The following TAOK1 variants were observed in gnomAD, a reference collection of about 807,000 sequenced individuals.
TAOK1 encodes the protein TAO kinase 1.
Under a neutral mutation model 138.3 loss-of-function variants are expected in TAOK1, and 21 were observed. That is an observed-to-expected ratio of 0.15 (90% CI 0.11 to 0.22). The LOEUF (loss-of-function observed/expected upper bound fraction) is 0.22. Ranked by LOEUF, TAOK1 falls within the 10% of genes least tolerant of loss-of-function variation. The pLI is 1.00. For missense variants in TAOK1, 651 were observed against 1,227.7 expected, an observed-to-expected ratio of 0.53 and a Z score of 7.02; for synonymous variants, 361 against 398.4, an observed-to-expected ratio of 0.91 and a Z score of 1.12.
At chr17:29,476,478 A>G (rs1335411341) in intron 4 of TAOK1, among the ~76,000 whole-genome samples, 1 of 152,216 alleles carries the variant, frequency 6.6e-6, no homozygotes, top group Non-Finnish European at 1.5e-5. Context: ...CAACCATAAA[A>G]CAAGGATACT....
rs1055843920 is a variant in TAOK1, at chr17:29,519,488, C to G, written c.1908+1832C>G. ...GAGCTGAGATCGCGCTGCTGCACTC[C>G]GGTCTGGGCGACAGAGCAAGTCTGC... On this transcript the variant is annotated intron_variant, in intron 16 of 19. Transcript: ENST00000261716. 2.7e-5 allele frequency among the ~76,000 whole-genome samples: 4 copies of G among 150,334 alleles called. No homozygotes were observed. In the South Asian group the frequency reaches 8.4e-4, roughly 32 times the overall value.
At chr17:29,397,973 A>G (rs1032665616) in intron 1 of TAOK1, among the ~76,000 whole-genome samples, 1 of 151,656 alleles carries the variant, frequency 6.6e-6, no homozygotes, top group African/African-American at 2.4e-5. Flanking sequence ...AGCAGCCTCT[A>G]CCTTCAGGGC....
chr17:29,459,798 A>G (rs1461414286), intron 2 of TAOK1, among the ~76,000 whole-genome samples: 1 of 152,136 alleles, frequency 6.6e-6, no homozygotes, highest in African/African-American at 2.4e-5. Context: ...TGGTAGCTCT[A>G]TTTCTAGTGT....
intron 2 of TAOK1, among the ~76,000 whole-genome samples, chr17:29,454,461 G>A (rs553584712): frequency 3.3e-5 from 5 of 151,570 alleles, no homozygotes; most frequent in South Asian, 2.1e-4. Flanking sequence ...TCCAGTTGAC[G>A]TGGCTTTTTT....
At chr17:29,441,843 TGCCAAGGTCGCC>T in intron 1 of TAOK1, among the ~76,000 whole-genome samples, 1 of 151,624 alleles carries the variant, frequency 6.6e-6, no homozygotes, top group African/African-American at 2.4e-5. Flanking sequence ...GGTTGCAGTG[TGCCAAGGTCGCC>T]GCCTCTGCAC....
chr17:29,462,437 A>G (rs1461497461), intron 2 of TAOK1, among the ~76,000 whole-genome samples: 3 of 152,212 alleles, frequency 2.0e-5, no homozygotes, highest in South Asian at 2.1e-4. Flanking sequence ...CAAAGAGAAC[A>G]CTGGCTTGGG....
rs2032409578 is a variant in TAOK1, at chr17:29,546,774, A to G, written c.*3752A>G. 6.6e-6 allele frequency: 1 copy of G among 152,256 alleles called. No individual in the cohort carries two copies. The highest frequency in any genetic ancestry group is 1.9e-4 in the East Asian group (1 of 5,190). The allele number at this position is 152,256 out of a possible 1,614,324, so 9.4% of individuals were successfully genotyped here. ...GATGTAACTCATACTGTACATTTCC[A>G]TCAGGGCACTTAAAAGTTCTGTTAT... On this transcript the variant is annotated 3_prime_UTR_variant, in exon 20 of 20. Coordinates refer to ENST00000261716, the MANE Select transcript of TAOK1 (RefSeq NM_020791.4).
intron 19 of TAOK1, among the ~76,000 whole-genome samples, chr17:29,534,931 GT>G (rs1475398528): frequency 1.0e-4 from 7 of 68,334 alleles, no homozygotes; most frequent in South Asian, 4.6e-4. Flanking sequence ...ATACTAAGGT[GT>G]GTGTGTGTGT....
At chr17:29,477,848 T>C in intron 5 of TAOK1, 142 bp downstream of exon 5, 1 of 392,368 alleles carries the variant, frequency 2.5e-6, no homozygotes, top group Non-Finnish European at 4.4e-6. Context: ...ATTCTCAGCA[T>C]GGTATATGCT....
chr17:29,450,457 C>T (rs906271894), intron 1 of TAOK1, among the ~76,000 whole-genome samples: 1 of 152,046 alleles, frequency 6.6e-6, no homozygotes, highest in African/African-American at 2.4e-5. Context: ...GATTCCTATC[C>T]AGCAGTGTCA....
intron 19 of TAOK1, among the ~76,000 whole-genome samples, chr17:29,538,807 C>T (rs1457185471): frequency 6.6e-6 from 1 of 152,094 alleles, no homozygotes; most frequent in Non-Finnish European, 1.5e-5. Context: ...TAGATAACAA[C>T]ACAACTATAA....
At chr17:29,471,248 C>A (rs956011281) in intron 3 of TAOK1, among the ~76,000 whole-genome samples, 1 of 148,440 alleles carries the variant, frequency 6.7e-6, no homozygotes, top group Non-Finnish European at 1.5e-5. Flanking sequence ...AGACAGTGTA[C>A]GTACCTTAAT....
Position 29,495,619 on chromosome 17 carries a change from A to C in TAOK1, c.891A>C (p.Thr297=). The C allele has an allele frequency of 2.5e-6, 4 of 1,612,204 alleles. No individual in the cohort carries two copies. The highest frequency in any genetic ancestry group is 3.4e-6 in the Non-Finnish European group (4 of 1,178,724). ...TGTTAATAGATCTCATTCAGAGGAC[A>C]AAGGATGCAGTAAGAGAGCTGGACA... ...ETVLIDLIQR[T]KDAVRELDNL... is the part of the protein sequence containing the mutation. The change falls in exon 11 of 20, where the codon ACA becomes ACC. Residue 297 remains threonine, a synonymous_variant. Transcript: ENST00000261716.
chr17:29,465,128 A>ATTTTT lies in TAOK1; in HGVS notation c.133-1992_133-1988dup, dbSNP rs57794003. Among the ~76,000 whole-genome samples, 78 of 63,162 alleles carry ATTTTT rather than the reference A, an allele frequency of 1.2e-3. 3 individuals are homozygous for ATTTTT. The highest frequency in any genetic ancestry group is 2.3e-3 in the African/African-American group (34 of 14,724). 41.4% of individuals were successfully genotyped at this position (63,162 alleles called of 152,430 possible). On this transcript the variant is annotated intron_variant, in intron 2 of 19. Transcript: ENST00000261716. ...AAGCCACCATGCCTGGTCTTATTTAATTTTTTTTTTTTTTTTTTTTTTTTT... is the reference window on the plus strand; with the variant it reads ...AAGCCACCATGCCTGGTCTTATTTAATTTTTTTTTTTTTTTTTTTTTTTTTTTTTT...
rs560531689 is a variant in TAOK1 at position 29,459,833 on chromosome 17, T to C, written c.133-7312T>C. On this transcript the variant is annotated intron_variant, in intron 2 of 19. Transcript: ENST00000261716. ...TTTTGGAGAACCTCCATCCAAACTC[T>C]TCTTCATAGTGGTTGTGCTAATTTA... is the stretch of plus-strand genomic sequence containing the variant. Among the ~76,000 whole-genome samples the C allele has an allele frequency of 2.0e-5, 3 of 152,348 alleles. No homozygotes were observed. In the South Asian group the frequency reaches 6.2e-4, roughly 32 times the overall value.
rs542601396 is a variant in TAOK1, at chr17:29,469,057, A to G, written c.204+1841A>G. Among the ~76,000 whole-genome samples the G allele has an allele frequency of 2.6e-5, 4 of 152,200 alleles. No individual in the cohort carries two copies. In the South Asian group the frequency reaches 8.3e-4, roughly 32 times the overall value. Reference sequence around the variant, plus strand: ...GATTATATTCTACCTAATTTCATAAATTTATTTATGAAATGTAGTCTGCTT... The same window carrying G: ...GATTATATTCTACCTAATTTCATAAGTTTATTTATGAAATGTAGTCTGCTT... On this transcript the variant is annotated intron_variant, in intron 3 of 19. Coordinates refer to ENST00000261716, the MANE Select transcript of TAOK1 (RefSeq NM_020791.4).
At chr17:29,459,570 C>T (rs1193005214) in intron 2 of TAOK1, among the ~76,000 whole-genome samples, 1 of 152,150 alleles carries the variant, frequency 6.6e-6, no homozygotes, top group Non-Finnish European at 1.5e-5. Flanking sequence ...AGTCACCACA[C>T]CCGGCCTCAT....
chr17:29,397,677 A>ATGTATACATGTATATTCATGTATGATACT (rs2153019787), intron 1 of TAOK1, among the ~76,000 whole-genome samples: 1 of 145,950 alleles, frequency 6.9e-6, no homozygotes, highest in African/African-American at 2.5e-5. Context: ...ACATGTATAC[A>ATGTATACATGTATATTCATGTATGATACT]TGTATACATG....
rs766791676 is a variant in TAOK1 at position 29,542,834 on chromosome 17, G to A, written c.2818G>A (p.Gly940Arg). ...PQAWGHPMQG[G>R]PQPWGHPSGP... The stretch of plus-strand genomic sequence containing the variant: ...AGCTTGGGGCCATCCAATGCAAGGT[G>A]GACCCCAGCCATGGGGTCACCCTTC... Residue 940 changes from glycine (G) to arginine (R), a missense_variant, in exon 20 of 20, where the codon GGA (glycine) becomes AGA (arginine). Around this residue, in one of 8 missense-constraint regions of TAOK1, gnomAD observed 108 missense variants for 120.3 expected, o/e 0.90. Coordinates refer to ENST00000261716, the MANE Select transcript of TAOK1 (RefSeq NM_020791.4). 1 of 1,614,134 alleles carries A rather than the reference G, an allele frequency of 6.2e-7. No homozygotes were observed. Among genetic ancestry groups the A allele is most frequent in the South Asian group, 1.1e-5 (1 of 91,076 alleles).
Sources: gnomAD v4.1 joint callset for allele counts (sites outside exome capture counted in the v4.1 genomes callset) on GRCh38, gnomAD v4.1.1 for gene constraint, gnomAD v4.1.1 regional missense constraint, MANE v1.5 for transcripts, NCBI Gene and HGNC (gene_info 2026-07-23, HGNC 2026-07-21) for gene names.